GLUL: variants seen among roughly 807,000 people sequenced by gnomAD.
The protein encoded by GLUL is glutamine synthetase.
A neutral mutation model predicts 36.9 loss-of-function variants in GLUL; 8 were observed. That is an observed-to-expected ratio of 0.22 (90% CI 0.13 to 0.39). The LOEUF is 0.39. GLUL is among the 10% of genes least tolerant of loss of function. GLUL has a pLI of 1.00. For missense variants in GLUL, 315 were observed against 501.8 expected, an observed-to-expected ratio of 0.63 and a Z score of 3.56; for synonymous variants, 182 against 172.8, an observed-to-expected ratio of 1.05 and a Z score of -0.42.
In GLUL at chr1:182,381,215, C is replaced by T. The variant is rs1021802801; in HGVS notation, c.*3190G>A. On this transcript the variant is annotated 3_prime_UTR_variant, in exon 7 of 7. Transcript: ENST00000331872. ...CTGGGAGGCAGAAGTTGCAGTGAGC[C>T]AAGATTGCGCCACACTATACTCCAG... Among the ~76,000 whole-genome samples the T allele has an allele frequency of 2.0e-5, 3 of 152,152 alleles. No homozygotes were observed. Among genetic ancestry groups the T allele is most frequent in the African/African-American group, 7.2e-5 (3 of 41,432 alleles).
In GLUL at chr1:182,386,278, G is replaced by A; in HGVS notation, c.453C>T (p.Ser151=). Residue 151 remains serine, a synonymous_variant, in exon 4 of 7, where the codon TCC becomes TCT. Transcript: ENST00000331872. ...TACCCTGGGGCCCTGGGAAGCCGTTGGAAGGCCAACCAAAGGGGTGCCCAT... is the reference window on the plus strand; with the variant it reads ...TACCCTGGGGCCCTGGGAAGCCGTTAGAAGGCCAACCAAAGGGGTGCCCAT... ...GTDGHPFGWP[S]NGFPGPQGPY... is the part of the protein sequence containing the mutation. 1 of 1,613,618 alleles carries A rather than the reference G, an allele frequency of 6.2e-7. No individual in the cohort carries two copies. Among genetic ancestry groups the A allele is most frequent in the Non-Finnish European group, 8.5e-7 (1 of 1,179,720 alleles).
In GLUL at chr1:182,380,461, A is replaced by T. The variant is rs1279432824; in HGVS notation, c.*3944T>A. On this transcript the variant is annotated 3_prime_UTR_variant, in exon 7 of 7. Coordinates refer to ENST00000331872, the MANE Select transcript of GLUL (RefSeq NM_001033044.4). ...AGCTGAGACTACAGGCGTGCAATTT[A>T]AAAAAAAATTATTTTGTGGAGTCTG... 4.0e-5 allele frequency among the ~76,000 whole-genome samples: 6 copies of T among 151,130 alleles called. No individual in the cohort carries two copies. The highest frequency in any genetic ancestry group is 1.9e-4 in the East Asian group (1 of 5,152).
At position 182,391,717 on chromosome 1, in the gene GLUL, G is replaced by C. The variant is rs1176337789; in HGVS notation, c.-52C>G. ...AGGCGGGCGGGTAAAGCTAGGCCGC[G>C]AGAGCGAGGTTAGGAGAGGAGAGGA... On this transcript the variant is annotated 5_prime_UTR_variant, in exon 1 of 7. Transcript: ENST00000331872. 6.5e-6 allele frequency: 1 copy of C among 153,202 alleles called. No individual in the cohort carries two copies. The highest frequency in any genetic ancestry group is 2.4e-5 in the African/African-American group (1 of 41,516). The allele number at this position is 153,202 out of a possible 1,614,324, so 9.5% of individuals were successfully genotyped here.
intron 2 of GLUL, among the ~76,000 whole-genome samples, chr1:182,387,665 T>C (rs941667978): frequency 6.6e-6 from 1 of 152,214 alleles, no homozygotes; most frequent in Admixed American, 6.5e-5. Context: ...GCATCCTTCT[T>C]ATGCCCCCAG....
At chr1:182,384,791 C>A in intron 6 of GLUL, 68 bp from the exon 7 acceptor site, 1 of 1,117,754 alleles carries the variant, frequency 8.9e-7, no homozygotes, top group Non-Finnish European at 1.4e-6. Context: ...TGAAGTGCAC[C>A]AAAATATGAT....
intron 4 of GLUL, 157 bp from the exon 5 acceptor site, chr1:182,386,044 T>C (rs1322203543): frequency 5.7e-6 from 5 of 878,160 alleles, no homozygotes; most frequent in Non-Finnish European, 9.7e-6. Flanking sequence ...GAGTTCCTCT[T>C]CACCACAGCT....
intron 4 of GLUL, 129 bp from the exon 5 acceptor site, chr1:182,386,016 A>G: frequency 9.8e-7 from 1 of 1,020,118 alleles, no homozygotes; most frequent in South Asian, 1.3e-5. Flanking sequence ...GGTGCGGGGC[A>G]GGGGAGGGGC....
intron 4 of GLUL, 125 bp downstream of exon 4, chr1:182,386,131 G>T: frequency 1.0e-6 from 1 of 1,001,808 alleles, no homozygotes; most frequent in Non-Finnish European, 1.6e-6. Context: ...TGATGTGAGG[G>T]CTGTTTCGCC....
At chr1:182,390,397 G>A (rs1453965480) in intron 1 of GLUL, 1 of 398,002 alleles carries the variant, frequency 2.5e-6, no homozygotes, top group Non-Finnish European at 4.4e-6. Context: ...TGCTGCTGCT[G>A]CGGTGCCAAG....
rs911870699 is a variant in GLUL at position 182,379,985 on chromosome 1, C to T, written c.*4420G>A. Among the ~76,000 whole-genome samples the T allele has an allele frequency of 1.3e-5, 2 of 151,980 alleles. No individual in the cohort carries two copies. The highest frequency in any genetic ancestry group is 2.9e-5 in the Non-Finnish European group (2 of 68,000). On this transcript the variant is annotated 3_prime_UTR_variant, in exon 7 of 7. Transcript: ENST00000331872. ...TCAGTCTCCCAAGCAGCTGGGATTA[C>T]AGGCATGTGCCACCACGCCCGGCTA...
chr1:182,388,400 T>C (rs1311566973), intron 2 of GLUL, among the ~76,000 whole-genome samples, 172 bp downstream of exon 2: 1 of 152,190 alleles, frequency 6.6e-6, no homozygotes, highest in Non-Finnish European at 1.5e-5. Context: ...TCGCTCTGCT[T>C]TGAGGCAGTG....
chr1:182,391,018 G>T (rs1042381500), intron 1 of GLUL: 2 of 396,802 alleles, frequency 5.0e-6, no homozygotes, highest in East Asian at 3.6e-5. Context: ...CCGGGGGAGG[G>T]TGGGGGCGCA....
At chr1:182,387,085 C>G in intron 3 of GLUL, 46 bp downstream of exon 3, 3 of 1,440,542 alleles carry the variant, frequency 2.1e-6, no homozygotes, top group Non-Finnish European at 2.9e-6. Context: ...CCCTTCACAG[C>G]ATTCACAGAT....
Position 182,388,796 on chromosome 1 carries a change from T to C in GLUL, c.-13-46A>G, listed in dbSNP as rs553526625. 7 of 1,453,162 alleles carry C rather than the reference T, an allele frequency of 4.8e-6. No homozygotes were observed. The African/African-American group carries it at 5.6e-5, about 12-fold the overall frequency. 90.0% of individuals were successfully genotyped at this position (1,453,162 alleles called of 1,614,324 possible). The stretch of plus-strand genomic sequence containing the variant: ...AACATTGTTAACGCCCACTCCAAAC[T>C]GATCCCCTGCAAAAATGGCTCAAGA... On this transcript the variant is annotated intron_variant, in intron 1 of 6. Coordinates refer to ENST00000331872, the MANE Select transcript of GLUL (RefSeq NM_001033044.4).
intron 6 of GLUL, 85 bp downstream of exon 6, chr1:182,385,272 G>C: frequency 9.6e-7 from 1 of 1,039,630 alleles, no homozygotes; most frequent in Non-Finnish European, 1.5e-6. Context: ...ATCCTGCAAA[G>C]GAGACTTTGC....
rs1161829436 is a variant in GLUL, at chr1:182,378,863, C to T, written c.*5542G>A. ...TGCAAGCTTGGCTCACTGCAACCTC[C>T]GGCTCTTGGGCTCAAGCGATTCTCC... is the stretch of plus-strand genomic sequence containing the variant. On this transcript the variant is annotated 3_prime_UTR_variant, in exon 7 of 7. Transcript: ENST00000331872. 1.3e-5 allele frequency among the ~76,000 whole-genome samples: 2 copies of T among 151,902 alleles called. No individual in the cohort carries two copies. Among genetic ancestry groups the T allele is most frequent in the African/African-American group, 2.4e-5 (1 of 41,420 alleles).
At chr1:182,385,174 G>A (rs1024904679) in intron 6 of GLUL, 183 bp downstream of exon 6, 4 of 614,784 alleles carry the variant, frequency 6.5e-6, no homozygotes, top group Non-Finnish European at 1.2e-5. Flanking sequence ...GGAACAAAAT[G>A]AGAGAATGTG....
At position 182,383,261 on chromosome 1, in the gene GLUL, A is replaced by G. The variant is rs1650016050; in HGVS notation, c.*1144T>C. On this transcript the variant is annotated 3_prime_UTR_variant, in exon 7 of 7. Coordinates refer to ENST00000331872, the MANE Select transcript of GLUL (RefSeq NM_001033044.4). ...TCTGTAAAAATTACCTAGAAACCCTACAAATTTGATTAAAATCTAAACTTC... is the reference window on the plus strand; with the variant it reads ...TCTGTAAAAATTACCTAGAAACCCTGCAAATTTGATTAAAATCTAAACTTC... 1 of 152,232 alleles carries G rather than the reference A, an allele frequency of 6.6e-6. No individual in the cohort carries two copies. Among genetic ancestry groups the G allele is most frequent in the Non-Finnish European group, 1.5e-5 (1 of 68,034 alleles). 9.4% of individuals were successfully genotyped at this position (152,232 alleles called of 1,614,324 possible). A position where few individuals can be genotyped will look rare whatever the true frequency, so the allele number is the denominator to read the frequency against.
chr1:182,388,615 G>A lies in GLUL; in HGVS notation c.123C>T (p.Arg41=). The A allele has an allele frequency of 6.2e-7, 1 of 1,613,948 alleles. No homozygotes were observed. Among genetic ancestry groups the A allele is most frequent in the Middle Eastern group, 1.7e-4 (1 of 6,058 alleles). ...IWIDGTGEGL[R]CKTRTLDSEP... ...CACTGTCCAGGGTCCGGGTCTTGCA[G>A]CGCAGTCCTTCTCCAGTACCATCGA... The change falls in exon 2 of 7, where the codon CGC becomes CGT. Residue 41 remains arginine (R), a synonymous_variant. Transcript: ENST00000331872.
Sources: allele counts gnomAD v4.1 joint callset (sites outside exome capture counted in the v4.1 genomes callset), GRCh38; gene constraint gnomAD v4.1.1; transcripts MANE v1.5; gene names NCBI Gene and HGNC (gene_info 2026-07-23, HGNC 2026-07-21).